COLEC10: variants seen among roughly 807,000 people sequenced by gnomAD.
COLEC10 encodes collectin-10.
Under a neutral mutation model 28.4 loss-of-function variants are expected in COLEC10, and 22 were observed. The observed-to-expected ratio is 0.78, with a 90% confidence interval of 0.55 to 1.11. The LOEUF (loss-of-function observed/expected upper bound fraction) is 1.11, where lower values mean the gene tolerates loss of function less well. COLEC10 is among the 50% of genes least tolerant of loss of function. The pLI, the probability that COLEC10 is intolerant of heterozygous loss-of-function variation, is 0.00. For missense variants in COLEC10, 361 were observed against 344.1 expected (o/e 1.05, Z -0.39); for synonymous variants, 125 against 116.1 (o/e 1.08, Z -0.49).
chr8:119,061,613 C>A (rs1357676149), intron 2 of COLEC10, among the ~76,000 whole-genome samples: 1 of 151,866 alleles, frequency 6.6e-6, no homozygotes, highest in Non-Finnish European at 1.5e-5. Context: ...GAATCCCATA[C>A]CCAGCCAAAA....
Position 119,067,380 on chromosome 8 carries a change from T to G in COLEC10, c.99T>G (p.Arg33=). The change falls in exon 1 of 6, where the codon CGT becomes CGG. Residue 33 remains arginine, a synonymous_variant. Transcript: ENST00000332843. The stretch of plus-strand genomic sequence containing the variant: ...GTCTGGGTCTGGATATTGATAGCCG[T>G]CCTACCGCTGAAGTCTGTGCCACAC... ...IQSLGLDIDS[R]PTAEVCATHT... The G allele has an allele frequency of 6.2e-7, 1 of 1,614,028 alleles. No individual in the cohort carries two copies. The highest frequency in any genetic ancestry group is 8.5e-7 in the Non-Finnish European group (1 of 1,179,956).
At chr8:119,096,317 T>A (rs1045871260) in intron 3 of COLEC10, among the ~76,000 whole-genome samples, 6 of 152,168 alleles carry the variant, frequency 3.9e-5, no homozygotes, top group African/African-American at 1.4e-4. Context: ...TCTGGCCAGG[T>A]ACAGTAGCTG....
At chr8:119,070,533 CATCT>C (rs1296532092) in intron 1 of COLEC10, among the ~76,000 whole-genome samples, 1 of 68,314 alleles carries the variant, frequency 1.5e-5, no homozygotes, top group Non-Finnish European at 2.7e-5. Context: ...TCCCTCCCTC[CATCT>C]CTCTCTCCCT....
chr8:119,029,767 G>A (rs1814255102), intron 2 of COLEC10, among the ~76,000 whole-genome samples: 2 of 152,120 alleles, frequency 1.3e-5, no homozygotes, highest in Admixed American at 1.3e-4. Flanking sequence ...TTGAAGTCAA[G>A]AATAAAGAAT....
At chr8:119,102,267 CCCTTCCTT>C (rs1385034987) in intron 3 of COLEC10, 73 bp from the exon 4 acceptor site, 4 of 444,156 alleles carry the variant, frequency 9.0e-6, no homozygotes, top group African/African-American at 7.7e-5. Context: ...TTCCTTCATT[CCCTTCCTT>C]CCTTCCTTCC....
the COLEC10 span, among the ~76,000 whole-genome samples, chr8:118,987,638 T>C: frequency 6.6e-6 from 1 of 152,088 alleles, no homozygotes; most frequent in Admixed American, 6.6e-5. Flanking sequence ...TTAAACAATA[T>C]CTTCAAAGTG....
At chr8:118,989,746 A>G in the COLEC10 span, among the ~76,000 whole-genome samples, 2 of 146,532 alleles carry the variant, frequency 1.4e-5, no homozygotes, top group South Asian at 2.1e-4. Flanking sequence ...GTGTGTAGGA[A>G]GGCTGTATAC....
At chr8:119,053,836 A>T (rs1165232322) in intron 2 of COLEC10, among the ~76,000 whole-genome samples, 1 of 152,204 alleles carries the variant, frequency 6.6e-6, no homozygotes, top group East Asian at 1.9e-4. Context: ...CGGGGGATAC[A>T]TTCCAATTGG....
chr8:119,052,157 T>C (rs1563728411), intron 2 of COLEC10, among the ~76,000 whole-genome samples: 1 of 152,230 alleles, frequency 6.6e-6, no homozygotes, highest in Non-Finnish European at 1.5e-5. Flanking sequence ...TTTCTCATTC[T>C]TAAGCAAAAT....
At chr8:119,031,903 T>TA (rs5894473) in intron 2 of COLEC10, among the ~76,000 whole-genome samples, 95,372 of 152,026 alleles carry the variant, frequency 0.63, 30,954 homozygotes, top group African/African-American at 0.79. Context: ...AGTGCCTTAA[T>TA]AAAATAGTAA....
intron 3 of COLEC10, among the ~76,000 whole-genome samples, chr8:119,099,480 G>T (rs1815781121): frequency 6.6e-6 from 1 of 151,972 alleles, no homozygotes; most frequent in South Asian, 2.1e-4. Flanking sequence ...TTAAGATAAA[G>T]AAAAGGAGGC....
chr8:119,030,683 T>A (rs762251981), intron 2 of COLEC10, among the ~76,000 whole-genome samples: 4 of 152,220 alleles, frequency 2.6e-5, no homozygotes, highest in Non-Finnish European at 5.9e-5. Flanking sequence ...AATGAGTCAA[T>A]GCATGCAGTG....
At chr8:118,967,711 A>G in the COLEC10 span, among the ~76,000 whole-genome samples, 1 of 152,140 alleles carries the variant, frequency 6.6e-6, no homozygotes, top group Admixed American at 6.6e-5. Flanking sequence ...ATTGTAAACA[A>G]AGAAATTTTG....
At chr8:119,015,315 T>C (rs539367324) in intron 2 of COLEC10, among the ~76,000 whole-genome samples, 1 of 150,928 alleles carries the variant, frequency 6.6e-6, no homozygotes, top group African/African-American at 2.5e-5. Flanking sequence ...CCTCCCACTG[T>C]CTGCCCATTA....
At chr8:119,050,466 C>T (rs935943306) in intron 2 of COLEC10, among the ~76,000 whole-genome samples, 18 of 152,144 alleles carry the variant, frequency 1.2e-4, no homozygotes, top group Non-Finnish European at 2.2e-4. Flanking sequence ...TCTTATAAAT[C>T]ACCAGATAAA....
the COLEC10 span, among the ~76,000 whole-genome samples, chr8:118,968,979 T>TAC: frequency 0.068 from 10,406 of 152,040 alleles, 619 homozygotes; most frequent in East Asian, 0.17. Flanking sequence ...TGTGTTAACT[T>TAC]ATAGCAAAAG....
chr8:119,068,348 G>T (rs549768077), intron 1 of COLEC10: 1 of 152,270 alleles, frequency 6.6e-6, no homozygotes, highest in South Asian at 2.1e-4. Flanking sequence ...TTTCCTCTAA[G>T]ATTGCAATCC....
At chr8:119,043,969 A>G (rs193237395) in intron 2 of COLEC10, among the ~76,000 whole-genome samples, 1 of 152,318 alleles carries the variant, frequency 6.6e-6, no homozygotes, top group Non-Finnish European at 1.5e-5. Context: ...AGGGTAAAAC[A>G]AAACAAAACA....
At chr8:118,974,997 C>T in the COLEC10 span, among the ~76,000 whole-genome samples, 843 of 152,038 alleles carry the variant, frequency 5.5e-3, 9 homozygotes, top group African/African-American at 0.02. Flanking sequence ...CAAAACAAAA[C>T]AAAAATGCTG....
Sources: allele counts gnomAD v4.1 joint callset (sites outside exome capture counted in the v4.1 genomes callset), GRCh38; gene constraint gnomAD v4.1.1; transcripts MANE v1.5; gene names NCBI Gene and HGNC (gene_info 2026-07-23, HGNC 2026-07-21).